Variants in CDC20B observed in about 807,000 individuals in gnomAD.
The protein encoded by CDC20B is cell division cycle 20B, also known as cell division cycle protein 20 homolog B.
Under a neutral mutation model 64.1 loss-of-function variants are expected in CDC20B, and 58 were observed. That is an observed-to-expected ratio of 0.90 (90% CI 0.73 to 1.13). CDC20B has a LOEUF of 1.13. Ranked by LOEUF, CDC20B falls within the 50% of genes most tolerant of loss-of-function variation. The probability of loss-of-function intolerance (pLI) is 0.00; values close to 1 mark genes in which losing one functional copy is unlikely to be tolerated. For synonymous variants in CDC20B, 243 were observed against 230.6 expected (o/e 1.05, Z -0.49); for missense variants, 597 against 633.0 (o/e 0.94, Z 0.61).
At chr5:55,147,480 CAT>C (rs1361873056) in intron 2 of CDC20B, among the ~76,000 whole-genome samples, 1 of 144,720 alleles carries the variant, frequency 6.9e-6, no homozygotes, top group Non-Finnish European at 1.5e-5. Flanking sequence ...ATTTATAAAA[CAT>C]GTTATTTTAT....
chr5:55,138,750 C>T (rs1366343854), intron 5 of CDC20B, among the ~76,000 whole-genome samples: 2 of 145,510 alleles, frequency 1.4e-5, no homozygotes, highest in Middle Eastern at 3.3e-3. Flanking sequence ...AAAAAAGGAA[C>T]AGAGTACAGA....
chr5:55,161,031 TCA>T (rs1283449938), intron 2 of CDC20B: 21 of 1,613,946 alleles, frequency 1.3e-5, no homozygotes, highest in Admixed American at 1.7e-5. Flanking sequence ...GACTGCCAAC[TCA>T]CAGACAGAAA....
Position 55,146,778 on chromosome 5 carries a change from C to T in CDC20B, c.205G>A (p.Ala69Thr). The change falls in exon 3 of 12, where the codon GCG becomes ACG. Residue 69 changes from alanine to threonine, a missense_variant. This residue lies in a region of CDC20B where 241 missense variants were observed against 219.2 expected (regional missense o/e 1.10). Coordinates refer to ENST00000381375, the MANE Select transcript of CDC20B (RefSeq NM_001170402.1). ...AKRLSAEVPV[A>T]SSPITTRWQQ... ...CACCTTGTGGTAATGGGGCTACTCG[C>T]AACAGGAACCTCTGCGGACAGCCTC... The T allele has an allele frequency of 6.2e-7, 1 of 1,614,140 alleles. No individual in the cohort carries two copies. The highest frequency in any genetic ancestry group is 8.5e-7 in the Non-Finnish European group (1 of 1,180,028).
chr5:55,172,660 C>T lies in CDC20B; in HGVS notation c.64-10G>A. 1.9e-6 allele frequency: 3 copies of T among 1,596,232 alleles called. No homozygotes were observed. The highest frequency in any genetic ancestry group is 2.6e-6 in the Non-Finnish European group (3 of 1,165,364). On this transcript the variant is annotated splice_polypyrimidine_tract_variant and intron_variant, in intron 1 of 11. Transcript: ENST00000381375. The stretch of plus-strand genomic sequence containing the variant: ...CACGCATGATACTTTCCTTTGAAAA[C>T]ACAGATAACATATTGAGGGAGAAAC...
chr5:55,161,822 A>G (rs1384378393), intron 2 of CDC20B, among the ~76,000 whole-genome samples: 1 of 152,200 alleles, frequency 6.6e-6, no homozygotes, highest in African/African-American at 2.4e-5. Context: ...AAATCTGTTT[A>G]AAGACTTGCC....
At chr5:55,169,710 A>G (rs889552436) in intron 2 of CDC20B, among the ~76,000 whole-genome samples, 3 of 152,250 alleles carry the variant, frequency 2.0e-5, no homozygotes, top group Non-Finnish European at 2.9e-5. Context: ...TTTCAAGTGA[A>G]AAATGTTTTA....
chr5:55,155,751 C>T (rs1207147143), intron 2 of CDC20B, among the ~76,000 whole-genome samples: 4 of 152,002 alleles, frequency 2.6e-5, no homozygotes, highest in African/African-American at 9.7e-5. Flanking sequence ...AGCACCCACC[C>T]CCTTCCTTCC....
At chr5:55,134,487 G>C (rs1169206022) in intron 5 of CDC20B, among the ~76,000 whole-genome samples, 1 of 152,142 alleles carries the variant, frequency 6.6e-6, no homozygotes, top group African/African-American at 2.4e-5. Context: ...CTGGGGCTGG[G>C]CACGGTGGCT....
At chr5:55,165,228 C>T (rs1242024434) in intron 2 of CDC20B, 1 of 135,486 alleles carries the variant, frequency 7.4e-6, no homozygotes, top group East Asian at 2.2e-4. Flanking sequence ...TGTAGATCAG[C>T]AGTCACTGAA....
intron 11 of CDC20B, among the ~76,000 whole-genome samples, chr5:55,119,485 C>T (rs1402469283): frequency 1.3e-5 from 2 of 152,274 alleles, no homozygotes; most frequent in East Asian, 3.9e-4. Context: ...CCATTCTACA[C>T]CGCTGGTTTT....
chr5:55,124,684 G>C, intron 9 of CDC20B, 119 bp downstream of exon 9: 1 of 898,144 alleles, frequency 1.1e-6, no homozygotes. Context: ...AAACTCCAAA[G>C]CAAATTCTAG....
chr5:55,114,098 T>C lies in CDC20B; in HGVS notation c.*120A>G. The C allele has an allele frequency of 1.4e-6, 2 of 1,411,914 alleles. No individual in the cohort carries two copies. The highest frequency in any genetic ancestry group is 9.3e-7 in the Non-Finnish European group (1 of 1,073,402). 87.5% of individuals were successfully genotyped at this position (1,411,914 alleles called of 1,614,324 possible). ...AAAAGAAGAACAGGAGAACAGGCATTCACATCAAGAAGAGTATTTCAACTT... is the reference window on the plus strand; with the variant it reads ...AAAAGAAGAACAGGAGAACAGGCATCCACATCAAGAAGAGTATTTCAACTT... On this transcript the variant is annotated 3_prime_UTR_variant, in exon 12 of 12. Coordinates refer to ENST00000381375, the MANE Select transcript of CDC20B (RefSeq NM_001170402.1). The surrounding 1 kb of genome is among the most constrained non-coding windows in gnomAD (Gnocchi z 4.1).
Position 55,125,007 on chromosome 5 carries a change from A to T in CDC20B, c.1011T>A (p.Val337=), listed in dbSNP as rs200612430. The T allele has an allele frequency of 1.2e-6, 2 of 1,613,726 alleles. No homozygotes were observed. Among genetic ancestry groups the T allele is most frequent in the Non-Finnish European group, 1.7e-6 (2 of 1,179,624 alleles). ...GGGCTACCCGAACATCGTGATGATAAACACGCCCCAGTCTTGACCCACTGC... is the reference window on the plus strand; with the variant it reads ...GGGCTACCCGAACATCGTGATGATATACACGCCCCAGTCTTGACCCACTGC... The part of the protein sequence containing the change: ...ILSSGSRLGR[V]YHHDVRVAQH... The change falls in exon 9 of 12, where the codon GTT becomes GTA. Residue 337 remains valine (V), a synonymous_variant. Transcript: ENST00000381375.
At chr5:55,120,141 A>G (rs191301834) in intron 10 of CDC20B, among the ~76,000 whole-genome samples, 1 of 152,194 alleles carries the variant, frequency 6.6e-6, no homozygotes, top group Non-Finnish European at 1.5e-5. Context: ...AATTTAAGTG[A>G]ACTGTGATCA....
intron 5 of CDC20B, among the ~76,000 whole-genome samples, chr5:55,135,233 C>CTA (rs565350239): frequency 0.014 from 2,074 of 146,828 alleles, 38 homozygotes; most frequent in African/African-American, 0.044. Flanking sequence ...GTGTGTGTGT[C>CTA]TATATATATA....
intron 2 of CDC20B, among the ~76,000 whole-genome samples, chr5:55,163,354 A>G (rs1425984012): frequency 6.6e-6 from 1 of 151,288 alleles, no homozygotes; most frequent in Non-Finnish European, 1.5e-5. Context: ...AGACCCTGCC[A>G]AAAAAAAAGT....
At chr5:55,160,358 A>G in intron 2 of CDC20B, 1 of 1,613,356 alleles carries the variant, frequency 6.2e-7, no homozygotes, top group South Asian at 1.1e-5. Flanking sequence ...GAAGGATGCA[A>G]AAGGAAGAAC....
intron 2 of CDC20B, among the ~76,000 whole-genome samples, chr5:55,157,581 T>C (rs1351499239): frequency 2.0e-5 from 3 of 152,252 alleles, no homozygotes; most frequent in Non-Finnish European, 4.4e-5. Context: ...TCATATAATA[T>C]GGAATTTTGT....
intron 6 of CDC20B, among the ~76,000 whole-genome samples, chr5:55,131,755 C>T (rs1429282803): frequency 6.6e-6 from 1 of 152,106 alleles, no homozygotes; most frequent in Non-Finnish European, 1.5e-5. Flanking sequence ...GTTGTACTGT[C>T]AAAGGGAGGA....
Sources: gnomAD v4.1 joint callset for allele counts (sites outside exome capture counted in the v4.1 genomes callset) on GRCh38, gnomAD v4.1.1 for gene constraint, gnomAD v4.1.1 regional missense constraint, Gnocchi (gnomAD v3.1) non-coding constraint, MANE v1.5 for transcripts, NCBI Gene and HGNC (gene_info 2026-07-23, HGNC 2026-07-21) for gene names.